Variants in DLGAP2 observed in about 807,000 individuals in gnomAD.
The protein encoded by DLGAP2 is DLG associated protein 2.
DLGAP2 carries 26 observed loss-of-function variants against 100.3 expected under a neutral mutation model. The ratio of observed to expected loss-of-function variants is 0.26; its 90% CI spans 0.19 to 0.36. DLGAP2 has a LOEUF of 0.36. Ranked by LOEUF, DLGAP2 falls within the 10% of genes least tolerant of loss-of-function variation. The pLI is 1.00. For missense variants in DLGAP2, 1,858 were observed against 1,453.2 expected (o/e 1.28, Z -4.53); for synonymous variants, 886 against 630.1 (o/e 1.41, Z -6.08).
chr8:1,181,179 T>C (rs1797379022), intron 2 of DLGAP2, among the ~76,000 whole-genome samples: 1 of 108,470 alleles, frequency 9.2e-6, no homozygotes, highest in African/African-American at 3.7e-5. Context: ...TACTGTCGAG[T>C]GTGGGTGGCT....
intron 2 of DLGAP2, among the ~76,000 whole-genome samples, chr8:1,125,361 A>G (rs1796141186): frequency 6.6e-6 from 1 of 152,088 alleles, no homozygotes; most frequent in Non-Finnish European, 1.5e-5. Flanking sequence ...TCTTGATCAA[A>G]TTTTTTTTAT....
rs58574157 is a variant in DLGAP2 at position 1,159,108 on chromosome 8, G to C, written c.74-99743G>C. ...TTGAGGAGGGAAGAACGTAGACCTGGTCATTTGACACCTTTAAGGGATTTG... is the reference window on the plus strand; with the variant it reads ...TTGAGGAGGGAAGAACGTAGACCTGCTCATTTGACACCTTTAAGGGATTTG... On this transcript the variant is annotated intron_variant, in intron 2 of 14. Transcript: ENST00000637795. Among the ~76,000 whole-genome samples the C allele has an allele frequency of 3.3e-3, 509 of 152,298 alleles. 3 individuals are homozygous for C. The highest frequency in any genetic ancestry group is 0.012 in the African/African-American group (484 of 41,554).
intron 3 of DLGAP2, among the ~76,000 whole-genome samples, chr8:1,327,170 C>A (rs1462063858): frequency 6.6e-6 from 1 of 152,236 alleles, no homozygotes; most frequent in Non-Finnish European, 1.5e-5. Flanking sequence ...AGGCGTCTCA[C>A]ATTTCACCAT....
chr8:812,501 C>T (rs184394569), intron 1 of DLGAP2, among the ~76,000 whole-genome samples: 1 of 152,170 alleles, frequency 6.6e-6, no homozygotes, highest in African/African-American at 2.4e-5. Flanking sequence ...CTGCGTTGAG[C>T]GTGGGAGAAA....
intron 2 of DLGAP2, among the ~76,000 whole-genome samples, chr8:1,149,301 G>A (rs543132315): frequency 7.2e-5 from 11 of 152,076 alleles, no homozygotes; most frequent in Admixed American, 2.6e-4. Context: ...ACCCGCCACC[G>A]CACCCGGCTA....
chr8:1,468,932 A>G (rs1342609125), intron 3 of DLGAP2, among the ~76,000 whole-genome samples: 1 of 152,110 alleles, frequency 6.6e-6, no homozygotes, highest in African/African-American at 2.4e-5. Flanking sequence ...CTCTCCTTAG[A>G]AAGACATCGT....
At chr8:922,162 A>T (rs559341179) in intron 2 of DLGAP2, among the ~76,000 whole-genome samples, 1 of 152,152 alleles carries the variant, frequency 6.6e-6, no homozygotes, top group Non-Finnish European at 1.5e-5. Flanking sequence ...TGGTGTTTTC[A>T]TGGAAGTTGG....
intron 1 of DLGAP2, chr8:753,392 T>C (rs1820841718): frequency 1.3e-5 from 2 of 152,212 alleles, no homozygotes; most frequent in Admixed American, 1.3e-4. Context: ...AAATGGGACA[T>C]TCAGTCACTA....
chr8:1,028,065 G>C (rs1450478857), intron 2 of DLGAP2, among the ~76,000 whole-genome samples: 10 of 133,906 alleles, frequency 7.5e-5, no homozygotes, highest in South Asian at 2.9e-4. Flanking sequence ...TTCTCCAGGT[G>C]GGGTGCCAAG....
At chr8:1,645,531 C>T (rs1447214292) in intron 8 of DLGAP2, among the ~76,000 whole-genome samples, 4 of 152,104 alleles carry the variant, frequency 2.6e-5, no homozygotes, top group Non-Finnish European at 5.9e-5. Flanking sequence ...AGTTGAGGAG[C>T]ATCTGTATAT....
At position 1,537,724 on chromosome 8, in the gene DLGAP2, AGGAT is replaced by A. The variant is rs200076040; in HGVS notation, c.173-10898_173-10895del. On this transcript the variant is annotated intron_variant, in intron 4 of 14. Transcript: ENST00000637795. The stretch of plus-strand genomic sequence containing the variant: ...ATGGAAGGATGGATGGATGGATGAA[AGGAT>A]GGAAGGAAGGAAGGAAGGAAGGAAG... Among the ~76,000 whole-genome samples the A allele has an allele frequency of 3.7e-3, 454 of 122,202 alleles. 8 individuals are homozygous for A. The highest frequency in any genetic ancestry group is 0.014 in the African/African-American group (428 of 30,434). The allele number at this position is 122,202 out of a possible 152,430, so 80.2% of individuals were successfully genotyped here.
intron 2 of DLGAP2, among the ~76,000 whole-genome samples, chr8:1,108,133 A>G (rs1804836777): frequency 6.6e-6 from 1 of 152,200 alleles, no homozygotes; most frequent in Admixed American, 6.5e-5. Flanking sequence ...GACGCTGCGC[A>G]GAAGTGGAGA....
chr8:1,368,426 A>C (rs1365702982), intron 3 of DLGAP2, among the ~76,000 whole-genome samples: 1 of 152,038 alleles, frequency 6.6e-6, no homozygotes, highest in African/African-American at 2.4e-5. Flanking sequence ...TATGTGTGCA[A>C]GTTGTGTGGC....
chr8:899,283 C>G (rs980157784), intron 1 of DLGAP2, among the ~76,000 whole-genome samples: 1 of 152,246 alleles, frequency 6.6e-6, no homozygotes, highest in African/African-American at 2.4e-5. Flanking sequence ...AGCCTGTGAG[C>G]CATTGGCCAA....
rs116079964 is a variant in DLGAP2, at chr8:1,362,691, C to G, written c.106+103808C>G. Among the ~76,000 whole-genome samples the G allele has an allele frequency of 1.9e-3, 284 of 152,302 alleles. 1 individual carries two copies. The highest frequency in any genetic ancestry group is 6.7e-3 in the African/African-American group (280 of 41,564). ...AGGCAGTGCTGAGCCCCGAAATAAC[C>G]TAAATCTATTTTCCGCCCATTTGCT... On this transcript the variant is annotated intron_variant, in intron 3 of 14. Transcript: ENST00000637795.
At chr8:1,214,169 C>G (rs578051623) in intron 2 of DLGAP2, among the ~76,000 whole-genome samples, 4 of 152,322 alleles carry the variant, frequency 2.6e-5, no homozygotes, top group South Asian at 2.1e-4. Flanking sequence ...CCTGCCAGGC[C>G]TCCCAGAACT....
chr8:1,259,470 A>C, intron 3 of DLGAP2: 1 of 152,274 alleles, frequency 6.6e-6, no homozygotes, highest in African/African-American at 2.4e-5. Context: ...TCTAATTAGA[A>C]AGAATAAGGA....
intron 2 of DLGAP2, among the ~76,000 whole-genome samples, chr8:1,091,986 C>G (rs1443376798): frequency 6.6e-6 from 1 of 152,164 alleles, no homozygotes; most frequent in Non-Finnish European, 1.5e-5. Context: ...GTTTTATTTT[C>G]TGATTGTTCA....
Position 1,705,282 on chromosome 8 carries a change from T to G in DLGAP2, c.*3876T>G, listed in dbSNP as rs908703292. ...GCCAAGCCTCCTGTGGTCCTGAGCA[T>G]GAAGGGGCCAGGGGACCTCCTGGGA... On this transcript the variant is annotated 3_prime_UTR_variant, in exon 15 of 15. Transcript: ENST00000637795. 4 of 152,266 alleles carry G rather than the reference T, an allele frequency of 2.6e-5. No individual in the cohort carries two copies. The highest frequency in any genetic ancestry group is 5.9e-5 in the Non-Finnish European group (4 of 68,076). 9.4% of individuals were successfully genotyped at this position (152,266 alleles called of 1,614,324 possible). A position where few individuals can be genotyped will look rare whatever the true frequency, so the allele number is the denominator to read the frequency against.
Sources: gnomAD v4.1 joint callset for allele counts (sites outside exome capture counted in the v4.1 genomes callset) on GRCh38, gnomAD v4.1.1 for gene constraint, MANE v1.5 for transcripts, NCBI Gene and HGNC (gene_info 2026-07-23, HGNC 2026-07-21) for gene names.